CCDC73: variants seen among roughly 807,000 people sequenced by gnomAD.
CCDC73 encodes the protein coiled-coil domain-containing protein 73.
In CCDC73, 95 loss-of-function variants were observed where a neutral mutation model predicts 116.5. That is an observed-to-expected ratio of 0.82 (90% confidence interval 0.69 to 0.97). The LOEUF is 0.97. Among genes scored for constraint, CCDC73 ranks in the 50% least tolerant of loss-of-function variants. The pLI, the probability that CCDC73 is intolerant of heterozygous loss-of-function variation, is 0.00. For synonymous variants in CCDC73, 398 were observed against 401.3 expected, an observed-to-expected ratio of 0.99 and a Z score of 0.10; for missense variants, 1,066 against 1,206.8, an observed-to-expected ratio of 0.88 and a Z score of 1.73.
chr11:32,811,084 A>C, the CCDC73 span, among the ~76,000 whole-genome samples: 2 of 151,634 alleles, frequency 1.3e-5, no homozygotes, highest in African/African-American at 2.4e-5. Context: ...CAACAAAAAA[A>C]AAAAACCTCT....
rs756424576 is a variant in CCDC73, at chr11:32,675,598, T to C, written c.612A>G (p.Lys204=). 1.4e-5 allele frequency: 22 copies of C among 1,590,922 alleles called. No individual in the cohort carries two copies. The Admixed American group carries it at 4.1e-4, about 30-fold the overall frequency. ...AACTGCATATTTCAGCTTCTTGTTTTTTATTTAAAGCTGAAAGTCTTTTGT... is the reference window on the plus strand; with the variant it reads ...AACTGCATATTTCAGCTTCTTGTTTCTTATTTAAAGCTGAAAGTCTTTTGT... ...QSNKRLSALN[K]KQEAEICSLK... The change falls in exon 9 of 18, where the codon AAA becomes AAG. Residue 204 remains lysine, a synonymous_variant. Coordinates refer to ENST00000335185, the MANE Select transcript of CCDC73 (RefSeq NM_001008391.4).
In CCDC73 at chr11:32,635,760, T is replaced by C; in HGVS notation, c.1121A>G (p.Lys374Arg). ...TAATTTGTTATAATGTTCTTGTAACTTAATATGAGTTTCTTTAAGGGATGA... is the reference window on the plus strand; with the variant it reads ...TAATTTGTTATAATGTTCTTGTAACCTAATATGAGTTTCTTTAAGGGATGA... ...ELSSLKETHI[K>R]LQEHYNKLCN... is the part of the protein sequence containing the mutation. The change falls in exon 14 of 18, where the codon AAG becomes AGG. Residue 374 changes from lysine to arginine, a missense_variant. Lys to Arg is a conservative substitution (Grantham distance 26). Transcript: ENST00000335185. The C allele has an allele frequency of 7.8e-7, 1 of 1,280,812 alleles. No individual in the cohort carries two copies. The highest frequency in any genetic ancestry group is 1.0e-6 in the Non-Finnish European group (1 of 990,428). The allele number at this position is 1,280,812 out of a possible 1,614,324, so 79.3% of individuals were successfully genotyped here.
intron 2 of CCDC73, among the ~76,000 whole-genome samples, chr11:32,738,231 G>A (rs1245476680): frequency 6.6e-6 from 1 of 152,164 alleles, no homozygotes; most frequent in South Asian, 2.1e-4. Context: ...TGGTGGGATT[G>A]CTGGATCATA....
chr11:32,691,005 C>T (rs539414022), intron 6 of CCDC73, among the ~76,000 whole-genome samples: 1 of 151,466 alleles, frequency 6.6e-6, no homozygotes, highest in South Asian at 2.1e-4. Flanking sequence ...AACTTCTGTA[C>T]TCTGTCTTTT....
chr11:32,672,571 A>C (rs1856049654), intron 9 of CCDC73, among the ~76,000 whole-genome samples: 1 of 152,146 alleles, frequency 6.6e-6, no homozygotes, highest in African/African-American at 2.4e-5. Context: ...CATCAATGAA[A>C]ATGTGTTTAT....
chr11:32,628,615 C>A (rs1855598391), intron 14 of CCDC73, among the ~76,000 whole-genome samples: 1 of 152,152 alleles, frequency 6.6e-6, no homozygotes, highest in Non-Finnish European at 1.5e-5. Context: ...CATTCTAGGG[C>A]TATTCTAGAT....
At chr11:32,646,049 G>A (rs1182820246) in intron 12 of CCDC73, among the ~76,000 whole-genome samples, 1 of 152,070 alleles carries the variant, frequency 6.6e-6, no homozygotes, top group Non-Finnish European at 1.5e-5. Context: ...AGAAGATATG[G>A]GAGAATAAAC....
At chr11:32,623,236 A>C (rs1009595462) in intron 14 of CCDC73, among the ~76,000 whole-genome samples, 2 of 152,018 alleles carry the variant, frequency 1.3e-5, no homozygotes, top group African/African-American at 2.4e-5. Context: ...TGAACTCCTG[A>C]CCTTGTGATC....
intron 9 of CCDC73, among the ~76,000 whole-genome samples, chr11:32,665,017 G>C (rs1021340254): frequency 2.6e-5 from 4 of 152,200 alleles, no homozygotes; most frequent in Non-Finnish European, 5.9e-5. Flanking sequence ...ACTGTGGTTT[G>C]AGAGACAGTT....
In CCDC73 at chr11:32,716,858, T is replaced by C. The variant is rs960568987; in HGVS notation, c.207+1218A>G. Among the ~76,000 whole-genome samples the C allele has an allele frequency of 2.6e-5, 4 of 152,222 alleles. 1 individual carries two copies. On this transcript the variant is annotated intron_variant, in intron 3 of 17. Transcript: ENST00000335185. ...GATTACAGGCGTGAGCCACTGCAGT[T>C]GGTCATTAAATTGGGTTCATTAAAC...
At chr11:32,730,644 G>A (rs998691577) in intron 2 of CCDC73, among the ~76,000 whole-genome samples, 13 of 152,036 alleles carry the variant, frequency 8.6e-5, no homozygotes, top group Non-Finnish European at 4.4e-5. Context: ...TATTTTCTGT[G>A]TATTCATCCT....
the CCDC73 span, among the ~76,000 whole-genome samples, chr11:32,806,630 CAAA>C: frequency 4.8e-5 from 6 of 125,552 alleles, no homozygotes; most frequent in Middle Eastern, 3.8e-3. Context: ...AGACCTGTCT[CAAA>C]AAAAAAAAAA....
intron 1 of CCDC73, among the ~76,000 whole-genome samples, chr11:32,787,461 A>T (rs1850638227): frequency 6.6e-6 from 1 of 152,220 alleles, no homozygotes; most frequent in Non-Finnish European, 1.5e-5. Flanking sequence ...ATTTACAACT[A>T]TAAAAAATTT....
At chr11:32,664,903 A>G (rs1480610216) in intron 9 of CCDC73, among the ~76,000 whole-genome samples, 2 of 152,114 alleles carry the variant, frequency 1.3e-5, no homozygotes, top group African/African-American at 4.8e-5. Context: ...GTCTGCCTTC[A>G]TTTCATTATG....
chr11:32,668,666 C>T (rs1315415189), intron 9 of CCDC73, among the ~76,000 whole-genome samples: 1 of 152,124 alleles, frequency 6.6e-6, no homozygotes. Context: ...AGTGACAGTT[C>T]AATCACTGAT....
chr11:32,667,912 G>C (rs545917605), intron 9 of CCDC73, among the ~76,000 whole-genome samples: 2 of 152,152 alleles, frequency 1.3e-5, no homozygotes. Flanking sequence ...ATTATCAGTG[G>C]AATGGTTAAG....
intron 12 of CCDC73, among the ~76,000 whole-genome samples, chr11:32,644,263 T>A (rs566076366): frequency 1.3e-5 from 2 of 152,224 alleles, no homozygotes; most frequent in Admixed American, 1.3e-4. Flanking sequence ...ATGTTCTCAC[T>A]TATAAGTGGG....
chr11:32,676,248 T>C (rs988667330), intron 7 of CCDC73, among the ~76,000 whole-genome samples: 2 of 152,206 alleles, frequency 1.3e-5, no homozygotes, highest in Non-Finnish European at 2.9e-5. Context: ...TGTAGCAAAA[T>C]AGTCACTTCA....
chr11:32,720,210 G>A (rs1176450680), intron 2 of CCDC73, among the ~76,000 whole-genome samples: 1 of 152,110 alleles, frequency 6.6e-6, no homozygotes, highest in Non-Finnish European at 1.5e-5. Context: ...TTTATTGCAG[G>A]TATGCAAAGC....
Sources: allele counts gnomAD v4.1 joint callset (sites outside exome capture counted in the v4.1 genomes callset), GRCh38; gene constraint gnomAD v4.1.1; transcripts MANE v1.5; gene names NCBI Gene and HGNC (gene_info 2026-07-23, HGNC 2026-07-21).